NRCAM: variants seen among roughly 807,000 people sequenced by gnomAD.
The protein encoded by NRCAM is NgCAM-related cell adhesion molecule.
Under a neutral mutation model 156.5 loss-of-function variants are expected in NRCAM, and 83 were observed. That is an observed-to-expected ratio of 0.53 (90% CI 0.44 to 0.64). The LOEUF is 0.64. Among genes scored for constraint, NRCAM ranks in the 30% least tolerant of loss-of-function variants. NRCAM has a pLI of 0.00. For synonymous variants in NRCAM, 538 were observed against 563.9 expected (o/e 0.95, Z 0.65); for missense variants, 1,417 against 1,597.3 (o/e 0.89, Z 1.92).
At chr7:108,287,534 T>C (rs1270126721) in intron 3 of NRCAM, among the ~76,000 whole-genome samples, 2 of 151,892 alleles carry the variant, frequency 1.3e-5, no homozygotes, top group Non-Finnish European at 2.9e-5. Context: ...CGAATAGACA[T>C]TTTGCAAAAG....
chr7:108,158,479 T>A (rs997691176), intron 32 of NRCAM, among the ~76,000 whole-genome samples: 1 of 152,172 alleles, frequency 6.6e-6, no homozygotes, highest in South Asian at 2.1e-4. Flanking sequence ...GATAGTGACA[T>A]GGAAAAACCA....
At chr7:108,177,624 AATATATATATATATATATAT>A (rs59391934) in intron 26 of NRCAM, among the ~76,000 whole-genome samples, 4 of 80,622 alleles carry the variant, frequency 5.0e-5, no homozygotes, top group East Asian at 1.2e-3. Context: ...CTCCATCTCA[AATATATATATATATATATAT>A]ATATATATAT....
intron 2 of NRCAM, among the ~76,000 whole-genome samples, chr7:108,317,761 T>G (rs2098945578): frequency 6.6e-6 from 1 of 151,390 alleles, no homozygotes; most frequent in Non-Finnish European, 1.5e-5. Context: ...AAACAAAAAT[T>G]AGTTGGACGT....
At chr7:108,256,112 C>T (rs1305703638) in intron 3 of NRCAM, among the ~76,000 whole-genome samples, 8 of 152,334 alleles carry the variant, frequency 5.3e-5, no homozygotes, top group African/African-American at 1.7e-4. Flanking sequence ...GCCGCCACCC[C>T]GTCTGGGAGG....
chr7:108,309,865 ATAAAT>A (rs1236240643), intron 3 of NRCAM, among the ~76,000 whole-genome samples: 3 of 152,182 alleles, frequency 2.0e-5, no homozygotes, highest in African/African-American at 4.8e-5. Flanking sequence ...CAAGAAAGAA[ATAAAT>A]TAAATAAATA....
At position 108,437,689 on chromosome 7, in the gene NRCAM, G is replaced by A. The variant is rs535919803; in HGVS notation, c.-332+18554C>T. 2.4e-4 allele frequency among the ~76,000 whole-genome samples: 36 copies of A among 152,128 alleles called. No homozygotes were observed. The South Asian group carries it at 7.0e-3, about 30-fold the overall frequency. On this transcript the variant is annotated intron_variant, in intron 1 of 32. Coordinates refer to ENST00000379028, the MANE Select transcript of NRCAM (RefSeq NM_001037132.4). ...GTCAATCAAGACTATATCCCACTAT[G>A]ATCCTTCGAAAACAAAGCACAAAAA...
chr7:108,228,199 G>C (rs1462797466), intron 8 of NRCAM, among the ~76,000 whole-genome samples: 1 of 152,096 alleles, frequency 6.6e-6, no homozygotes, highest in East Asian at 1.9e-4. Flanking sequence ...GTTTGCACCT[G>C]TAATCTCAGT....
At chr7:108,201,088 C>T (rs544876800) in intron 13 of NRCAM, among the ~76,000 whole-genome samples, 16 of 150,488 alleles carry the variant, frequency 1.1e-4, no homozygotes, top group African/African-American at 3.4e-4. Flanking sequence ...ATTCATGTAA[C>T]CAAATGCCAC....
chr7:108,396,006 C>T (rs373283074), intron 2 of NRCAM, among the ~76,000 whole-genome samples: 1 of 152,188 alleles, frequency 6.6e-6, no homozygotes, highest in East Asian at 1.9e-4. Flanking sequence ...GCGATACACA[C>T]GGCAAACACT....
At chr7:108,339,879 C>T (rs2099255821) in intron 2 of NRCAM, among the ~76,000 whole-genome samples, 1 of 152,144 alleles carries the variant, frequency 6.6e-6, no homozygotes, top group African/African-American at 2.4e-5. Context: ...GACCCTCAGA[C>T]TCTAAGAAAG....
intron 3 of NRCAM, among the ~76,000 whole-genome samples, chr7:108,246,085 T>C (rs1017830267): frequency 3.9e-5 from 6 of 152,230 alleles, no homozygotes; most frequent in African/African-American, 7.2e-5. Flanking sequence ...AGAGAGCTGA[T>C]TGGAAAAGGA....
chr7:108,193,652 T>C (rs1162812920), intron 17 of NRCAM, among the ~76,000 whole-genome samples: 2 of 152,204 alleles, frequency 1.3e-5, no homozygotes, highest in African/African-American at 4.8e-5. Context: ...ATTTGAGCAG[T>C]CTTTGGTGAT....
intron 13 of NRCAM, among the ~76,000 whole-genome samples, chr7:108,203,002 C>A (rs967837355): frequency 1.5e-4 from 23 of 152,172 alleles, no homozygotes; most frequent in Admixed American, 3.3e-4. Context: ...TGGGCACCAC[C>A]ACCAGAATGG....
chr7:108,318,829 C>A (rs921300862), intron 2 of NRCAM, among the ~76,000 whole-genome samples: 5 of 152,156 alleles, frequency 3.3e-5, no homozygotes, highest in African/African-American at 9.7e-5. Flanking sequence ...GAGGTTGCCA[C>A]CCACCAAGTT....
intron 22 of NRCAM, 86 bp downstream of exon 22, chr7:108,184,155 T>C: frequency 1.1e-6 from 1 of 903,868 alleles, no homozygotes; most frequent in Non-Finnish European, 1.7e-6. Flanking sequence ...ATAGGTGAAA[T>C]GAGATTCTAA....
At chr7:108,331,228 G>A (rs777354513) in intron 2 of NRCAM, among the ~76,000 whole-genome samples, 12 of 151,826 alleles carry the variant, frequency 7.9e-5, no homozygotes, top group Admixed American at 2.0e-4. Flanking sequence ...GTGAGACCTC[G>A]TCTCTATATA....
Position 108,240,116 on chromosome 7 carries a change from C to CA in NRCAM, c.-53dup. On this transcript the variant is annotated 5_prime_UTR_variant, in exon 4 of 33. Coordinates refer to ENST00000379028, the MANE Select transcript of NRCAM (RefSeq NM_001037132.4). The stretch of plus-strand genomic sequence containing the variant: ...CACTGAATTTCCTTTTCTTCTTTCA[C>CA]AAAAGATTTTGTGAAACGTTGTGTG... 1.5e-6 allele frequency: 2 copies of CA among 1,337,766 alleles called. No individual in the cohort carries two copies. Among genetic ancestry groups the CA allele is most frequent in the Non-Finnish European group, 2.1e-6 (2 of 941,098 alleles). The allele number at this position is 1,337,766 out of a possible 1,614,324, so 82.9% of individuals were successfully genotyped here.
chr7:108,159,409 G>A (rs965107116), intron 32 of NRCAM, 54 bp downstream of exon 32: 40 of 1,465,868 alleles, frequency 2.7e-5, no homozygotes, highest in African/African-American at 1.8e-4. Context: ...TTCTATTCTC[G>A]GGACTGTGTT....
In NRCAM at chr7:108,453,008, T is replaced by A. The variant is rs1224119468; in HGVS notation, c.-332+3235A>T. 2.0e-5 allele frequency among the ~76,000 whole-genome samples: 3 copies of A among 148,700 alleles called. No homozygotes were observed. The South Asian group carries it at 6.8e-4, about 34-fold the overall frequency. On this transcript the variant is annotated intron_variant, in intron 1 of 32. Coordinates refer to ENST00000379028, the MANE Select transcript of NRCAM (RefSeq NM_001037132.4). ...GTTCAGTTTGTGCAAGTTCATCGGC[T>A]ATGCATTTGTGATATGTGAAAAAAA...
Sources: allele counts gnomAD v4.1 joint callset (sites outside exome capture counted in the v4.1 genomes callset), GRCh38; gene constraint gnomAD v4.1.1; transcripts MANE v1.5; gene names NCBI Gene and HGNC (gene_info 2026-07-23, HGNC 2026-07-21).